The following NAALADL2 variants were observed in gnomAD, a reference collection of about 807,000 sequenced individuals.
NAALADL2 encodes the protein N-acetylated alpha-linked acidic dipeptidase like 2, also known as inactive N-acetylated-alpha-linked acidic dipeptidase-like protein 2.
In NAALADL2, 76 loss-of-function variants were observed where a neutral mutation model predicts 87.2. That is an observed-to-expected ratio of 0.87 (90% CI 0.72 to 1.05). NAALADL2 has a LOEUF of 1.05. Ranked by LOEUF, NAALADL2 falls within the 50% of genes least tolerant of loss-of-function variation. The pLI is 0.00. For synonymous variants in NAALADL2, 354 were observed against 331.0 expected (o/e 1.07, Z -0.75); for missense variants, 1,089 against 945.8 (o/e 1.15, Z -1.99).
At chr3:174,729,534 T>C (rs1167920538) in intron 2 of NAALADL2, among the ~76,000 whole-genome samples, 1 of 152,052 alleles carries the variant, frequency 6.6e-6, no homozygotes, top group African/African-American at 2.4e-5. Flanking sequence ...AGGATGGGTA[T>C]TTATTATTCA....
intron 2 of NAALADL2, among the ~76,000 whole-genome samples, chr3:174,712,490 C>T (rs565380258): frequency 6.9e-6 from 1 of 144,006 alleles, no homozygotes; most frequent in African/African-American, 2.6e-5. Flanking sequence ...CGGGTTCATG[C>T]CATTCTCCTG....
chr3:175,052,124 G>C (rs1755477123), intron 1 of NAALADL2, among the ~76,000 whole-genome samples: 1 of 152,188 alleles, frequency 6.6e-6, no homozygotes, highest in South Asian at 2.1e-4. Context: ...ATTCCTTATG[G>C]GAAATAAAGG....
intron 1 of NAALADL2, among the ~76,000 whole-genome samples, chr3:174,471,399 A>G (rs905063568): frequency 6.6e-6 from 1 of 152,104 alleles, no homozygotes; most frequent in African/African-American, 2.4e-5. Context: ...TTTGAGTCCA[A>G]ATATAGAATC....
At chr3:175,629,717 T>G (rs2149722868) in intron 11 of NAALADL2, among the ~76,000 whole-genome samples, 1 of 151,798 alleles carries the variant, frequency 6.6e-6, no homozygotes, top group South Asian at 2.1e-4. Context: ...TTGGCCACAC[T>G]TAAGAATTTC....
chr3:175,717,365 G>A (rs545506658), intron 11 of NAALADL2, among the ~76,000 whole-genome samples: 29 of 152,178 alleles, frequency 1.9e-4, no homozygotes, highest in African/African-American at 5.8e-4. Context: ...CTTAGAACAA[G>A]TCACAAGATT....
At chr3:174,959,521 A>G (rs909331078) in intron 1 of NAALADL2, among the ~76,000 whole-genome samples, 1 of 151,988 alleles carries the variant, frequency 6.6e-6, no homozygotes, top group African/African-American at 2.4e-5. Context: ...AGCACAATAC[A>G]TAGGGGAATC....
intron 1 of NAALADL2, among the ~76,000 whole-genome samples, chr3:175,022,413 T>G (rs2108869237): frequency 6.6e-6 from 1 of 152,158 alleles, no homozygotes; most frequent in Middle Eastern, 3.4e-3. Flanking sequence ...GACAATTACC[T>G]GACAAATGGA....
At chr3:174,700,206 T>C (rs1038993454) in intron 2 of NAALADL2, among the ~76,000 whole-genome samples, 1 of 148,706 alleles carries the variant, frequency 6.7e-6, no homozygotes, top group African/African-American at 2.5e-5. Flanking sequence ...GGAAGTTCCA[T>C]AGTTTGTAGA....
rs117443274 is a variant in NAALADL2 at position 174,795,863 on chromosome 3, A to G, written c.-9+58117A>G. 3.3e-5 allele frequency among the ~76,000 whole-genome samples: 5 copies of G among 152,314 alleles called. No individual in the cohort carries two copies. The East Asian group carries it at 5.8e-4, about 18-fold the overall frequency. ...AAATTCCTTTTCAGATCCTTTGCCT[A>G]TTATAAAAATTGGGTTGTGTTTTTA... On this transcript the variant is annotated intron_variant, in intron 3 of 3. Coordinates refer to the NAALADL2 transcript ENST00000434257.
chr3:175,715,534 T>A (rs560286870), intron 11 of NAALADL2, among the ~76,000 whole-genome samples: 1 of 152,262 alleles, frequency 6.6e-6, no homozygotes, highest in African/African-American at 2.4e-5. Flanking sequence ...CTGATGATAA[T>A]TGATCAAAGA....
At chr3:174,945,555 T>C (rs1037488827) in intron 1 of NAALADL2, among the ~76,000 whole-genome samples, 1 of 152,208 alleles carries the variant, frequency 6.6e-6, no homozygotes, top group Non-Finnish European at 1.5e-5. Context: ...TTTCCAAAGA[T>C]ATTCTTTAAT....
intron 5 of NAALADL2, among the ~76,000 whole-genome samples, chr3:175,356,576 A>AAATAATAATAATAGTAATAAT (rs1553872600): frequency 4.6e-5 from 6 of 131,750 alleles, no homozygotes; most frequent in African/African-American, 1.7e-4. Flanking sequence ...CCCTGTGTCA[A>AAATAATAATAATAGTAATAAT]AATAATAATA....
chr3:174,578,962 A>G (rs1283881861), intron 2 of NAALADL2, among the ~76,000 whole-genome samples: 2 of 151,994 alleles, frequency 1.3e-5, no homozygotes, highest in Non-Finnish European at 2.9e-5. Flanking sequence ...TATCAGCAAA[A>G]GATTTGATTG....
chr3:175,535,718 T>C (rs1281358646), intron 9 of NAALADL2, among the ~76,000 whole-genome samples: 1 of 152,154 alleles, frequency 6.6e-6, no homozygotes, highest in Admixed American at 6.6e-5. Flanking sequence ...TATAGGAACA[T>C]ATACTTTAAA....
intron 3 of NAALADL2, among the ~76,000 whole-genome samples, chr3:174,794,479 A>AT (rs144722400): frequency 0.12 from 18,612 of 152,018 alleles, 1,358 homozygotes; most frequent in Non-Finnish European, 0.15. Flanking sequence ...AAAATGTGTA[A>AT]TTTTTTACAT....
chr3:174,973,533 T>C (rs1190077868), intron 1 of NAALADL2, among the ~76,000 whole-genome samples: 4 of 152,238 alleles, frequency 2.6e-5, no homozygotes, highest in Non-Finnish European at 5.9e-5. Context: ...TATTTCATTG[T>C]ATTTATAGGA....
chr3:174,582,952 GA>G (rs1486082875), intron 2 of NAALADL2, among the ~76,000 whole-genome samples: 1 of 152,050 alleles, frequency 6.6e-6, no homozygotes, highest in Non-Finnish European at 1.5e-5. Context: ...TTTAAGAGAT[GA>G]AAAAGGAAAT....
chr3:175,293,710 G>T (rs537115747), intron 4 of NAALADL2, among the ~76,000 whole-genome samples: 3 of 152,180 alleles, frequency 2.0e-5, no homozygotes, highest in Admixed American at 6.5e-5. Flanking sequence ...ACAGCTAGAA[G>T]ATGACATCTA....
chr3:174,915,026 GTC>G (rs1352642111), intron 1 of NAALADL2, among the ~76,000 whole-genome samples: 2 of 152,134 alleles, frequency 1.3e-5, no homozygotes, highest in Non-Finnish European at 2.9e-5. Flanking sequence ...ATTCTACAAA[GTC>G]TCTATTCTGG....
Sources: allele counts gnomAD v4.1 joint callset (sites outside exome capture counted in the v4.1 genomes callset), GRCh38; gene constraint gnomAD v4.1.1; transcripts MANE v1.5; gene names NCBI Gene and HGNC (gene_info 2026-07-23, HGNC 2026-07-21).